The following AGGF1 variants were observed in gnomAD, a reference collection of about 807,000 sequenced individuals.
AGGF1 encodes angiogenic factor with G patch and FHA domains 1.
A neutral mutation model predicts 86.5 loss-of-function variants in AGGF1; 56 were observed. That is an observed-to-expected ratio of 0.65 (90% confidence interval 0.52 to 0.81). The LOEUF (loss-of-function observed/expected upper bound fraction) is 0.81, where lower values mean the gene tolerates loss of function less well. Among genes scored for constraint, AGGF1 ranks in the 30% least tolerant of loss-of-function variants. The pLI is 0.00. For synonymous variants in AGGF1, 313 were observed against 297.1 expected (o/e 1.05, Z -0.55); for missense variants, 816 against 850.9 (o/e 0.96, Z 0.51).
chr5:77,045,209 ATAAT>A (rs944978210), intron 5 of AGGF1, among the ~76,000 whole-genome samples: 2 of 152,242 alleles, frequency 1.3e-5, no homozygotes, highest in African/African-American at 4.8e-5. Context: ...AAAATGGAAA[ATAAT>A]TATTTACTTT....
At chr5:77,039,000 C>T (rs1457373162) in intron 4 of AGGF1, among the ~76,000 whole-genome samples, 4 of 152,000 alleles carry the variant, frequency 2.6e-5, no homozygotes, top group Non-Finnish European at 5.9e-5. Context: ...TATGCATGAA[C>T]TTTATTTTCA....
intron 8 of AGGF1, among the ~76,000 whole-genome samples, chr5:77,052,352 CA>C (rs947891092): frequency 5.4e-5 from 7 of 130,132 alleles, no homozygotes; most frequent in Admixed American, 7.6e-5. Context: ...GACCCTGTCT[CA>C]AAAAAAAAAG....
At position 77,046,500 on chromosome 5, in the gene AGGF1, A is replaced by G. The variant is rs149788789; in HGVS notation, c.1024A>G (p.Ile342Val). 2.6e-4 allele frequency: 427 copies of G among 1,614,002 alleles called. 1 individual carries two copies. The highest frequency in any genetic ancestry group is 3.5e-4 in the Non-Finnish European group (408 of 1,179,978). Residue 342 changes from isoleucine (I) to valine (V), a missense_variant, in exon 6 of 14, where the codon ATA becomes GTA. Ile to Val is a conservative substitution (Grantham distance 29). This residue lies in a region of AGGF1 where 565 missense variants were observed against 585.8 expected (regional missense o/e 0.96). Transcript: ENST00000312916. ...CACTGTTCCAACTAGTGGAAATACT[A>G]TAGAGTCTCCTCTTCATGAAAACAT... ...KVTVPTSGNTIESPLHENISN... is the reference protein window; with the variant it reads ...KVTVPTSGNTVESPLHENISN...
intron 5 of AGGF1, among the ~76,000 whole-genome samples, chr5:77,040,847 C>T (rs1302178775): frequency 6.6e-6 from 1 of 152,018 alleles, no homozygotes; most frequent in African/African-American, 2.4e-5. Flanking sequence ...CTGTCCTGTC[C>T]TGTTCTGTCC....
intron 13 of AGGF1, among the ~76,000 whole-genome samples, chr5:77,062,736 G>A (rs1158339025): frequency 6.6e-6 from 1 of 152,096 alleles, no homozygotes; most frequent in African/African-American, 2.4e-5. Flanking sequence ...CATATCCATT[G>A]CCTTTATTTC....
rs1747419382 is a variant in AGGF1 at position 77,053,982 on chromosome 5, C to T, written c.1485C>T (p.Asp495=). 1 of 1,614,140 alleles carries T rather than the reference C, an allele frequency of 6.2e-7. No individual in the cohort carries two copies. The part of the protein sequence containing the change: ...KQILQPKTKC[D]PYVLEHGDEV... Reference sequence around the variant, plus strand: ...CCCTCTAGCCGAAAACTAAATGTGACCCTTACGTACTTGAGCATGGAGATG... The same window carrying T: ...CCCTCTAGCCGAAAACTAAATGTGATCCTTACGTACTTGAGCATGGAGATG... The change falls in exon 10 of 14, where the codon GAC becomes GAT. Residue 495 remains aspartate, a synonymous_variant. Transcript: ENST00000312916.
At position 77,064,289 on chromosome 5, in the gene AGGF1, T is replaced by C. The variant is rs989083338; in HGVS notation, c.*1037T>C. On this transcript the variant is annotated 3_prime_UTR_variant, in exon 14 of 14. Coordinates refer to ENST00000312916, the MANE Select transcript of AGGF1 (RefSeq NM_018046.5). The stretch of plus-strand genomic sequence containing the variant: ...CACTATTCTTTTTCTGTTCAGTTTT[T>C]CTCTCAGGTGTTTGCTGGGAAATTA... 1 of 152,324 alleles carries C rather than the reference T, an allele frequency of 6.6e-6. No homozygotes were observed. Among genetic ancestry groups the C allele is most frequent in the East Asian group, 1.9e-4 (1 of 5,190 alleles). The allele number at this position is 152,324 out of a possible 1,614,324, so 9.4% of individuals were successfully genotyped here.
intron 1 of AGGF1, among the ~76,000 whole-genome samples, chr5:77,033,745 T>G: frequency 6.6e-6 from 1 of 152,238 alleles, no homozygotes; most frequent in East Asian, 1.9e-4. Flanking sequence ...TTGTCTCACA[T>G]TGAGGTCCTC....
At chr5:77,035,792 T>C (rs564194769) in intron 3 of AGGF1, 49 bp downstream of exon 3, 22 of 1,505,232 alleles carry the variant, frequency 1.5e-5, no homozygotes, top group South Asian at 1.0e-4. Context: ...AACCTGTCCT[T>C]CTTTGTTGTT....
rs749202307 is a variant in AGGF1 at position 77,039,640 on chromosome 5, C to G, written c.791C>G (p.Ser264Cys). ...GTAGATTTGCAACCTTATCCGACTTCTAGCACAAAACAAAGTAAAGATAAA... is the reference window on the plus strand; with the variant it reads ...GTAGATTTGCAACCTTATCCGACTTGTAGCACAAAACAAAGTAAAGATAAA... Reference protein sequence around the residue: ...SRVDLQPYPTSSTKQSKDKKL... With the variant: ...SRVDLQPYPTCSTKQSKDKKL... Residue 264 changes from serine (S) to cysteine (C), a missense_variant, in exon 5 of 14, where the codon TCT (serine) becomes TGT (cysteine). By Grantham distance (112) the Ser-to-Cys change is moderately radical. Around this residue, in one of 3 missense-constraint regions of AGGF1, gnomAD observed 565 missense variants for 585.8 expected, o/e 0.96. Coordinates refer to ENST00000312916, the MANE Select transcript of AGGF1 (RefSeq NM_018046.5). 6.2e-7 allele frequency: 1 copy of G among 1,613,034 alleles called. No homozygotes were observed. The highest frequency in any genetic ancestry group is 1.7e-5 in the Admixed American group (1 of 59,952).
rs1742770061 is a variant in AGGF1 at position 77,065,028 on chromosome 5, C to T, written c.*1776C>T. 1 of 152,132 alleles carries T rather than the reference C, an allele frequency of 6.6e-6. No individual in the cohort carries two copies. The highest frequency in any genetic ancestry group is 2.4e-5 in the African/African-American group (1 of 41,420). The allele number at this position is 152,132 out of a possible 1,614,324, so 9.4% of individuals were successfully genotyped here. A position where few individuals can be genotyped will look rare whatever the true frequency, so the allele number is the denominator to read the frequency against. ...GGTTCCACTATTAGTGGTTAAAGTA[C>T]TGAATAATGTCTGGGTCTATTTCCA... On this transcript the variant is annotated 3_prime_UTR_variant, in exon 14 of 14. Transcript: ENST00000312916.
At chr5:77,039,480 G>C (rs1554046159) in intron 4 of AGGF1, 51 bp from the exon 5 acceptor site, 1 of 1,464,636 alleles carries the variant, frequency 6.8e-7, no homozygotes, top group Non-Finnish European at 9.4e-7. Flanking sequence ...TTTTCGTTAA[G>C]TTTATTTTAT....
At chr5:77,036,326 G>A (rs1561283980) in intron 3 of AGGF1, among the ~76,000 whole-genome samples, 1 of 152,038 alleles carries the variant, frequency 6.6e-6, no homozygotes, top group Admixed American at 6.5e-5. Context: ...ATTTATTCTC[G>A]AATAATTGTC....
At chr5:77,042,660 G>T in intron 5 of AGGF1, among the ~76,000 whole-genome samples, 1 of 39,664 alleles carries the variant, frequency 2.5e-5, no homozygotes, top group South Asian at 6.8e-4. Context: ...CATCCCGGAC[G>T]GGGCGGCTGG....
At chr5:77,037,394 C>G (rs953299152) in intron 4 of AGGF1, among the ~76,000 whole-genome samples, 1 of 152,176 alleles carries the variant, frequency 6.6e-6, no homozygotes, top group Admixed American at 6.5e-5. Flanking sequence ...TTTTAGGCCA[C>G]ATAAGGAGAC....
In AGGF1 at chr5:77,061,753, G is replaced by A. The variant is rs1747568175; in HGVS notation, c.1895G>A (p.Trp632Ter). 1 of 1,613,850 alleles carries A rather than the reference G, an allele frequency of 6.2e-7. No homozygotes were observed. The highest frequency in any genetic ancestry group is 8.5e-7 in the Non-Finnish European group (1 of 1,179,818). ...KGRKMLEKMG[W>*]KKGEGLGKDG... ...CGGAAGATGTTGGAGAAGATGGGTTGGAAGAAAGGAGAGGGCCTGGGGAAG... is the reference window on the plus strand; with the variant it reads ...CGGAAGATGTTGGAGAAGATGGGTTAGAAGAAAGGAGAGGGCCTGGGGAAG... The change falls in exon 13 of 14, where the codon TGG (tryptophan) becomes TAG (stop). Residue 632 changes from tryptophan (W) to a stop codon, truncating the protein, a stop_gained. Coordinates refer to ENST00000312916, the MANE Select transcript of AGGF1 (RefSeq NM_018046.5). LOFTEE classifies it high-confidence loss of function.
intron 10 of AGGF1, 62 bp downstream of exon 10, chr5:77,054,192 A>G: frequency 6.3e-7 from 1 of 1,592,902 alleles, no homozygotes; most frequent in Non-Finnish European, 8.6e-7. Flanking sequence ...TAAATGTTCT[A>G]AAAAACATCA....
intron 3 of AGGF1, 46 bp from the exon 4 acceptor site, chr5:77,036,510 T>TG (rs1561284013): frequency 6.2e-7 from 1 of 1,605,964 alleles, no homozygotes; most frequent in African/African-American, 1.3e-5. Flanking sequence ...TTTTAATTGA[T>TG]ATACAGAAGC....
At chr5:77,043,599 CCGG>C (rs1407334882) in intron 5 of AGGF1, among the ~76,000 whole-genome samples, 2 of 117,582 alleles carry the variant, frequency 1.7e-5, no homozygotes, top group African/African-American at 5.9e-5. Context: ...CCCCCCCCCC[CCGG>C]ATGGCACGGC....
Sources: allele counts gnomAD v4.1 joint callset (sites outside exome capture counted in the v4.1 genomes callset), GRCh38; gene constraint gnomAD v4.1.1; regional missense constraint gnomAD v4.1.1; transcripts MANE v1.5; gene names NCBI Gene and HGNC (gene_info 2026-07-23, HGNC 2026-07-21).